Variants in NKD2 observed in about 807,000 individuals in gnomAD.
NKD2 encodes the protein protein naked cuticle homolog 2.
A neutral mutation model predicts 34.8 loss-of-function variants in NKD2; 43 were observed. That is an observed-to-expected ratio of 1.24 (90% CI 0.97 to 1.60). The LOEUF is 1.60. Ranked by LOEUF, NKD2 falls within the 40% of genes most tolerant of loss-of-function variation. The pLI is 0.00. For synonymous variants in NKD2, 278 were observed against 265.1 expected (o/e 1.05, Z -0.47); for missense variants, 675 against 627.1 (o/e 1.08, Z -0.82).
At chr5:1,030,027 T>TGG in intron 3 of NKD2, among the ~76,000 whole-genome samples, 1 of 128,880 alleles carries the variant, frequency 7.8e-6, no homozygotes, top group African/African-American at 3.6e-5. Flanking sequence ...GGGGGGGGGG[T>TGG]ACTGAGAACC....
intron 7 of NKD2, 138 bp from the exon 8 acceptor site, chr5:1,035,251 T>A (rs1038205800): frequency 1.4e-6 from 1 of 713,424 alleles, no homozygotes; most frequent in Non-Finnish European, 2.4e-6. Context: ...AGTGAACAAG[T>A]GAGTGAGTTA....
At position 1,033,491 on chromosome 5, in the gene NKD2, A is replaced by C; in HGVS notation, c.322A>C (p.Asn108His). 1 of 1,549,280 alleles carries C rather than the reference A, an allele frequency of 6.5e-7. No homozygotes were observed. The highest frequency in any genetic ancestry group is 8.7e-7 in the Non-Finnish European group (1 of 1,146,118). Residue 108 changes from asparagine (N) to histidine (H), a missense_variant, in exon 5 of 10, where the codon AAC becomes CAC. Asn to His is a moderately conservative substitution (Grantham distance 68). Coordinates refer to ENST00000296849, the MANE Select transcript of NKD2 (RefSeq NM_033120.4). The part of the protein sequence containing the change: ...GPRGPGGQRL[N>H]IDALQCDVSV... ...GCGAGGACCGGGCGGGCAGCGCCTCAACATTGACGTGGGTCTCTCTCCGGC... is the reference window on the plus strand; with the variant it reads ...GCGAGGACCGGGCGGGCAGCGCCTCCACATTGACGTGGGTCTCTCTCCGGC...
chr5:1,036,191 C>A (rs970542899), intron 8 of NKD2, 66 bp from the exon 9 acceptor site: 4 of 1,448,404 alleles, frequency 2.8e-6, no homozygotes, highest in East Asian at 2.5e-5. Context: ...GCTGTAGGCA[C>A]CCCGTCATCA....
intron 3 of NKD2, among the ~76,000 whole-genome samples, chr5:1,012,552 G>T (rs12516145): frequency 0.12 from 18,263 of 152,322 alleles, 1,251 homozygotes; most frequent in African/African-American, 0.18. Flanking sequence ...TGCTGGCTCT[G>T]TCCAGGGCTG....
chr5:1,036,304 G>A lies in NKD2; in HGVS notation c.707G>A (p.Cys236Tyr), dbSNP rs1466826117. 2 of 1,612,770 alleles carry A rather than the reference G, an allele frequency of 1.2e-6. No individual in the cohort carries two copies. Among genetic ancestry groups the A allele is most frequent in the Non-Finnish European group, 1.7e-6 (2 of 1,179,776 alleles). The change falls in exon 9 of 10, where the codon TGC becomes TAC. Residue 236 changes from cysteine (C) to tyrosine (Y), a missense_variant. By Grantham distance (194) the Cys-to-Tyr change is radical. Transcript: ENST00000296849. ...CCCTGCTCGGAGCGGGGGCCCTACT[G>A]CGTGGACGAGAACACGGAGCGCAGA... is the stretch of plus-strand genomic sequence containing the variant. ...PQPCSERGPY[C>Y]VDENTERRNH...
At chr5:1,012,015 G>C (rs1755770425) in intron 3 of NKD2, among the ~76,000 whole-genome samples, 1 of 152,256 alleles carries the variant, frequency 6.6e-6, no homozygotes, top group Non-Finnish European at 1.5e-5. Context: ...CGTGGGTGAG[G>C]AGTGGTGCCA....
At chr5:1,035,258 GTTAA>G (rs1318557660) in intron 7 of NKD2, 127 bp from the exon 8 acceptor site, 1 of 752,086 alleles carries the variant, frequency 1.3e-6, no homozygotes. Flanking sequence ...AAGTGAGTGA[GTTAA>G]TGAATGAGTG....
At position 1,009,144 on chromosome 5, in the gene NKD2, T is replaced by C. The variant is rs991548222; in HGVS notation, c.26-35T>C. ...GCGGGCGTGGGGCCGCCTCTCACTG[T>C]CGTTTTCCTCTCCCCGCGTCCCGCC... is the stretch of plus-strand genomic sequence containing the variant. On this transcript the variant is annotated intron_variant, in intron 1 of 9. Transcript: ENST00000296849. This position sits in a 1 kb window ranked among gnomAD's most constrained non-coding sequence, Gnocchi z 6.9. The C allele has an allele frequency of 4.6e-5, 25 of 545,050 alleles. No homozygotes were observed. The Middle Eastern group carries it at 1.4e-3, about 30-fold the overall frequency. 33.8% of individuals were successfully genotyped at this position (545,050 alleles called of 1,614,324 possible).
chr5:1,025,861 A>C (rs1388399566), intron 3 of NKD2, among the ~76,000 whole-genome samples: 1 of 82,040 alleles, frequency 1.2e-5, no homozygotes, highest in African/African-American at 5.0e-5. Context: ...TGCTCTTCCC[A>C]CCCGCTGTGG....
In NKD2 at chr5:1,037,825, A is replaced by G; in HGVS notation, c.808A>G (p.Lys270Glu). Residue 270 changes from lysine to glutamate, a missense_variant, in exon 10 of 10, where the codon AAG (lysine) becomes GAG (glutamate). Coordinates refer to ENST00000296849, the MANE Select transcript of NKD2 (RefSeq NM_033120.4). ...CGCAGGGTCCCCTCCTGTGCAAGCA[A>G]AGCAGGAGCCCCAGGGCAGGGCCTC... ...FGPGSPPVQA[K>E]QEPQGRASHL... 6.3e-7 allele frequency: 1 copy of G among 1,579,714 alleles called. No homozygotes were observed.
intron 3 of NKD2, among the ~76,000 whole-genome samples, chr5:1,030,015 C>CA (rs1756577333): frequency 2.1e-5 from 2 of 97,236 alleles, no homozygotes; most frequent in African/African-American, 5.2e-5. Flanking sequence ...GATTGTGGTG[C>CA]GGGGGGGGGG....
At chr5:1,026,437 A>C (rs1303806263) in intron 3 of NKD2, among the ~76,000 whole-genome samples, 1 of 67,574 alleles carries the variant, frequency 1.5e-5, no homozygotes, top group Non-Finnish European at 2.9e-5. Context: ...TGCTCTTCCC[A>C]CCCTCTGTGG....
In NKD2 at chr5:1,009,100, A is replaced by AGGGCGGGG; in HGVS notation, c.25+25_25+26insGGGGCGGG. On this transcript the variant is annotated intron_variant, in intron 1 of 9. Coordinates refer to ENST00000296849, the MANE Select transcript of NKD2 (RefSeq NM_033120.4). This position sits in a 1 kb window ranked among gnomAD's most constrained non-coding sequence, Gnocchi z 6.9. ...GAAGCACGGTGAGCCGCGGGCCGGT[A>AGGGCGGGG]GGGCGGGAGGGCGGGCGGGCGGGCG... is the stretch of plus-strand genomic sequence containing the variant. 1.1e-5 allele frequency: 1 copy of AGGGCGGGG among 89,394 alleles called. No individual in the cohort carries two copies. Among genetic ancestry groups the AGGGCGGGG allele is most frequent in the Non-Finnish European group, 1.7e-5 (1 of 58,830 alleles). The allele number at this position is 89,394 out of a possible 1,614,324, so 5.5% of individuals were successfully genotyped here. A position where few individuals can be genotyped will look rare whatever the true frequency, so the allele number is the denominator to read the frequency against.
rs977891786 is a variant in NKD2, at chr5:1,032,077, G to A, written c.142-75G>A. The A allele has an allele frequency of 5.0e-5, 61 of 1,224,696 alleles. No individual in the cohort carries two copies. The East Asian group carries it at 9.9e-4, about 20-fold the overall frequency. The allele number at this position is 1,224,696 out of a possible 1,614,324, so 75.9% of individuals were successfully genotyped here. ...GCGAGTGTCAGGCTCCAGTCCAGCCGCCCAGAGCTCCTGCCCATCTCCCCC... is the reference window on the plus strand; with the variant it reads ...GCGAGTGTCAGGCTCCAGTCCAGCCACCCAGAGCTCCTGCCCATCTCCCCC... On this transcript the variant is annotated intron_variant, in intron 3 of 9. Coordinates refer to ENST00000296849, the MANE Select transcript of NKD2 (RefSeq NM_033120.4).
intron 3 of NKD2, among the ~76,000 whole-genome samples, chr5:1,021,950 C>A (rs532526345): frequency 2.0e-5 from 3 of 152,198 alleles, no homozygotes; most frequent in African/African-American, 4.8e-5. Context: ...TCCCCCAGGG[C>A]CGCCTGCAGC....
chr5:1,033,606 C>T, intron 5 of NKD2, 107 bp downstream of exon 5: 1 of 1,311,162 alleles, frequency 7.6e-7, no homozygotes, highest in Non-Finnish European at 1.0e-6. Context: ...CGGCGTAGTT[C>T]ACTCAGTCTT....
At chr5:1,028,689 C>T (rs1300596086) in intron 3 of NKD2, among the ~76,000 whole-genome samples, 2 of 152,006 alleles carry the variant, frequency 1.3e-5, no homozygotes. Context: ...CGCCTAGGCA[C>T]CCCAAACCGG....
intron 3 of NKD2, among the ~76,000 whole-genome samples, chr5:1,026,008 A>G (rs201759636): frequency 1.6e-3 from 22 of 13,984 alleles, no homozygotes; most frequent in East Asian, 0.01. Context: ...GTCTCAGCCC[A>G]TTGTCCCTGC....
intron 3 of NKD2, among the ~76,000 whole-genome samples, chr5:1,019,512 G>C (rs1007326126): frequency 6.6e-6 from 1 of 152,190 alleles, no homozygotes; most frequent in South Asian, 2.1e-4. Flanking sequence ...CTTTCATCTC[G>C]TGGAGCCTCT....
Sources: allele counts gnomAD v4.1 joint callset (sites outside exome capture counted in the v4.1 genomes callset), GRCh38; gene constraint gnomAD v4.1.1; non-coding constraint Gnocchi (gnomAD v3.1); transcripts MANE v1.5; gene names NCBI Gene and HGNC (gene_info 2026-07-23, HGNC 2026-07-21).